Variants in CCDC192 observed in about 807,000 individuals in gnomAD.
CCDC192 encodes coiled-coil domain containing 192.
At chr5:127,809,487 A>T (rs7714051) in intron 5 of CCDC192, among the ~76,000 whole-genome samples, 9,172 of 152,214 alleles carry the variant, frequency 0.06, 600 homozygotes, top group East Asian at 0.27. Flanking sequence ...CTAAAATGAG[A>T]TTCTATGTTG....
At chr5:127,705,368 G>A (rs890015108) in intron 1 of CCDC192, among the ~76,000 whole-genome samples, 10 of 152,116 alleles carry the variant, frequency 6.6e-5, no homozygotes, top group African/African-American at 2.4e-4. Context: ...TACTTTCTGT[G>A]ATGCATTTGT....
chr5:127,875,844 G>A (rs1047284161), intron 6 of CCDC192, among the ~76,000 whole-genome samples, 183 bp downstream of exon 6: 1 of 152,092 alleles, frequency 6.6e-6, no homozygotes, highest in Non-Finnish European at 1.5e-5. Context: ...GAGAGGGGCA[G>A]GGAATGAATA....
intron 5 of CCDC192, among the ~76,000 whole-genome samples, chr5:127,873,966 C>A (rs1270085987): frequency 3.3e-5 from 5 of 152,202 alleles, no homozygotes; most frequent in Non-Finnish European, 5.9e-5. Context: ...AATTAATCTA[C>A]ATGACAGGCC....
intron 5 of CCDC192, among the ~76,000 whole-genome samples, chr5:127,825,733 A>G (rs958278189): frequency 6.6e-6 from 1 of 152,246 alleles, no homozygotes; most frequent in Non-Finnish European, 1.5e-5. Context: ...GATTTTTACT[A>G]GTTAAATAGA....
intron 6 of CCDC192, among the ~76,000 whole-genome samples, chr5:127,909,251 T>C (rs1753280094): frequency 2.0e-5 from 3 of 152,082 alleles, no homozygotes; most frequent in Admixed American, 2.0e-4. Flanking sequence ...GCCTGAGGAC[T>C]TTTCAAGGCC....
chr5:127,907,197 A>G (rs960541706), intron 6 of CCDC192, among the ~76,000 whole-genome samples: 8 of 152,200 alleles, frequency 5.3e-5, no homozygotes, highest in Admixed American at 1.3e-4. Flanking sequence ...ACAAAGTCCA[A>G]GAAACCCACA....
intron 6 of CCDC192, among the ~76,000 whole-genome samples, chr5:127,927,750 G>A (rs1753903255): frequency 6.6e-6 from 1 of 152,038 alleles, no homozygotes; most frequent in Non-Finnish European, 1.5e-5. Context: ...GCCCTTAGTT[G>A]CAATCCAAGT....
At chr5:127,782,520 C>T (rs1580649759) in intron 3 of CCDC192, among the ~76,000 whole-genome samples, 1 of 151,854 alleles carries the variant, frequency 6.6e-6, no homozygotes, top group Non-Finnish European at 1.5e-5. Context: ...TTTAGGGTAT[C>T]TAATTCTTCC....
At position 127,881,206 on chromosome 5, in the gene CCDC192, C is replaced by A. The variant is rs565331125; in HGVS notation, c.535+5545C>A. On this transcript the variant is annotated intron_variant, in intron 6 of 6. Transcript: ENST00000514853. ...TTTGGAAAAGGAGTCCCCTTCTAGCCTTCAGTAAGTGATACATGGTCACCT... is the reference window on the plus strand; with the variant it reads ...TTTGGAAAAGGAGTCCCCTTCTAGCATTCAGTAAGTGATACATGGTCACCT... Among the ~76,000 whole-genome samples, 4 of 152,224 alleles carry A rather than the reference C, an allele frequency of 2.6e-5. No individual in the cohort carries two copies. In the East Asian group the frequency reaches 7.7e-4, roughly 29 times the overall value.
intron 6 of CCDC192, among the ~76,000 whole-genome samples, chr5:127,880,516 T>C (rs1371508506): frequency 6.7e-6 from 1 of 149,840 alleles, no homozygotes; most frequent in Non-Finnish European, 1.5e-5. Context: ...GACGAGTTAG[T>C]GGGTGCAGCG....
In CCDC192 at chr5:127,941,499, T is replaced by TAAG; in HGVS notation, c.*32_*34dup. 1 of 399,004 alleles carries TAAG rather than the reference T, an allele frequency of 2.5e-6. No individual in the cohort carries two copies. The highest frequency in any genetic ancestry group is 3.6e-5 in the East Asian group (1 of 28,084). 24.7% of individuals were successfully genotyped at this position (399,004 alleles called of 1,614,324 possible). On this transcript the variant is annotated 3_prime_UTR_variant, in exon 7 of 7. Transcript: ENST00000514853. ...CAATAAGAAAACAATAAAAGTTTATTAAGTGTCATCCAGGTAAAGTCTGAT... is the reference window on the plus strand; with the variant it reads ...CAATAAGAAAACAATAAAAGTTTATTAAGAAGTGTCATCCAGGTAAAGTCTGAT...
At chr5:127,906,568 T>A (rs1284903365) in intron 6 of CCDC192, among the ~76,000 whole-genome samples, 1 of 152,084 alleles carries the variant, frequency 6.6e-6, no homozygotes, top group Non-Finnish European at 1.5e-5. Context: ...GGTGGATCAC[T>A]TGAGCCCATG....
intron 5 of CCDC192, among the ~76,000 whole-genome samples, chr5:127,827,408 G>A (rs1170100722): frequency 4.6e-5 from 7 of 152,058 alleles, no homozygotes; most frequent in South Asian, 2.1e-4. Context: ...CGTGTCCTTC[G>A]GGAATAAAGC....
chr5:127,733,409 T>G (rs1289927808), intron 2 of CCDC192, among the ~76,000 whole-genome samples: 2 of 152,140 alleles, frequency 1.3e-5, no homozygotes, highest in Non-Finnish European at 2.9e-5. Context: ...AGTTATCATC[T>G]CCTCCATTTT....
At chr5:127,802,558 A>T (rs2126981765) in intron 5 of CCDC192, among the ~76,000 whole-genome samples, 1 of 152,074 alleles carries the variant, frequency 6.6e-6, no homozygotes, top group Middle Eastern at 3.4e-3. Context: ...CTTTATCAAG[A>T]TTGTTTTTTC....
rs569209056 is a variant in CCDC192 at position 127,868,881 on chromosome 5, T to C, written c.412-6657T>C. On this transcript the variant is annotated intron_variant, in intron 5 of 6. Coordinates refer to ENST00000514853, the MANE Select transcript of CCDC192 (RefSeq NM_001317938.2). Reference sequence around the variant, plus strand: ...CACTGAGGCATGCACAGCATAGTGATAGAAGGCAAAATCTGGAGATAGACC... The same window carrying C: ...CACTGAGGCATGCACAGCATAGTGACAGAAGGCAAAATCTGGAGATAGACC... Among the ~76,000 whole-genome samples the C allele has an allele frequency of 1.1e-4, 17 of 152,276 alleles. No individual in the cohort carries two copies. In the South Asian group the frequency reaches 3.5e-3, roughly 32 times the overall value.
intron 2 of CCDC192, among the ~76,000 whole-genome samples, chr5:127,715,643 A>G (rs1257845611): frequency 6.6e-6 from 1 of 152,150 alleles, no homozygotes; most frequent in South Asian, 2.1e-4. Context: ...TTTGATAGGG[A>G]TTGCATTTAA....
chr5:127,869,297 C>T (rs1224975596), intron 5 of CCDC192, among the ~76,000 whole-genome samples: 2 of 152,064 alleles, frequency 1.3e-5, no homozygotes, highest in African/African-American at 2.4e-5. Flanking sequence ...GCGTTCCACC[C>T]TGGGCAATAA....
intron 1 of CCDC192, among the ~76,000 whole-genome samples, chr5:127,703,886 C>T (rs1750816343): frequency 6.6e-6 from 1 of 152,174 alleles, no homozygotes; most frequent in Non-Finnish European, 1.5e-5. Flanking sequence ...AAGAGATGCA[C>T]ACACAAAAAG....
Sources: gnomAD v4.1 joint callset for allele counts (sites outside exome capture counted in the v4.1 genomes callset) on GRCh38, gnomAD v4.1.1 for gene constraint, MANE v1.5 for transcripts, NCBI Gene and HGNC (gene_info 2026-07-23, HGNC 2026-07-21) for gene names.